SET: variants seen among roughly 807,000 people sequenced by gnomAD.
The protein encoded by SET is protein SET.
SET carries 4 observed loss-of-function variants against 39.0 expected under a neutral mutation model. The observed-to-expected ratio is 0.10, with a 90% confidence interval of 0.05 to 0.23. The LOEUF is 0.23. Ranked by LOEUF, SET falls within the 10% of genes least tolerant of loss-of-function variation. The pLI is 1.00. For missense variants in SET, 137 were observed against 329.7 expected (o/e 0.42, Z 4.53); for synonymous variants, 114 against 115.9 (o/e 0.98, Z 0.11).
chr9:128,687,617 C>A (rs1319918697), upstream of SET, among the ~76,000 whole-genome samples: 47 of 79,640 alleles, frequency 5.9e-4, no homozygotes, highest in African/African-American at 1.4e-3. Context: ...CCTCCCCCAC[C>A]AAAAAAAAAA....
intron 7 of SET, 81 bp from the exon 8 acceptor site, chr9:128,694,537 GAAACTGGAGTGCCCCCAGGGGCA>G: frequency 1.5e-6 from 1 of 680,502 alleles, no homozygotes. Flanking sequence ...TACAGGTTTA[GAAACTGGAGTGCCCCCAGGGGCA>G]CTCGTGGGGT....
Position 128,689,368 on chromosome 9 carries a change from C to G in SET, c.-215C>G. 9.8e-7 allele frequency: 1 copy of G among 1,016,968 alleles called. No individual in the cohort carries two copies. The allele number at this position is 1,016,968 out of a possible 1,614,324, so 63.0% of individuals were successfully genotyped here. On this transcript the variant is annotated 5_prime_UTR_variant, in exon 1 of 8. Coordinates refer to ENST00000322030, the MANE Select transcript of SET (RefSeq NM_003011.4). ...CCGCGAACAGGAGCCCGGGCCGGGG[C>G]CCGGCACGCCGCCCCAGCCCGTCCC...
chr9:128,692,612 T>G (rs1359976405), intron 3 of SET, 50 bp from the exon 4 acceptor site: 2 of 1,206,552 alleles, frequency 1.7e-6, no homozygotes, highest in African/African-American at 3.0e-5. Flanking sequence ...TAAATTGTTG[T>G]TAGTGTGTGC....
chr9:128,689,228 C>CCGT lies in SET; in HGVS notation c.-354_-352dup. ...GCCTGCGCCCTGCGCCCGCCCCTCG[C>CCGT]CGTAGGAGGAGGTGGAGGAGGAGGC... On this transcript the variant is annotated 5_prime_UTR_variant, in exon 1 of 8. Transcript: ENST00000322030. The CCGT allele has an allele frequency of 1.0e-6, 1 of 997,014 alleles. No individual in the cohort carries two copies. The highest frequency in any genetic ancestry group is 8.9e-5 in the East Asian group (1 of 11,274). 61.8% of individuals were successfully genotyped at this position (997,014 alleles called of 1,614,324 possible).
At chr9:128,692,284 C>G in intron 3 of SET, 1 of 304,960 alleles carries the variant, frequency 3.3e-6, no homozygotes, top group South Asian at 5.0e-5. Context: ...CAGCTACTCG[C>G]TACTTGGGAG....
chr9:128,691,904 T>A lies in SET; in HGVS notation c.178T>A (p.Tyr60Asn). ...SEEILKVEQK[Y>N]NKLRQPFFQK... is the part of the protein sequence containing the mutation. ...GGAGATTTTGAAAGTAGAACAGAAA[T>A]ATAACAAACTCCGCCAACCATTTTT... Residue 60 changes from tyrosine to asparagine, a missense_variant, in exon 3 of 8, where the codon TAT becomes AAT. By Grantham distance (143) the Tyr-to-Asn change is moderately radical. Transcript: ENST00000322030. 6.2e-7 allele frequency: 1 copy of A among 1,613,710 alleles called. No homozygotes were observed. The highest frequency in any genetic ancestry group is 8.5e-7 in the Non-Finnish European group (1 of 1,179,790).
chr9:128,693,236 A>C (rs1861609724), intron 5 of SET, among the ~76,000 whole-genome samples: 2 of 152,188 alleles, frequency 1.3e-5, no homozygotes, highest in Non-Finnish European at 2.9e-5. Context: ...CAAAAAACAA[A>C]AAAAAAGAGA....
Position 128,692,995 on chromosome 9 carries a change from A to G in SET, c.492+14A>G, listed in dbSNP as rs767893676. 12 of 1,514,380 alleles carry G rather than the reference A, an allele frequency of 7.9e-6. No individual in the cohort carries two copies. Among genetic ancestry groups the G allele is most frequent in the Non-Finnish European group, 1.1e-5 (12 of 1,094,242 alleles). The allele number at this position is 1,514,380 out of a possible 1,614,324, so 93.8% of individuals were successfully genotyped here. On this transcript the variant is annotated intron_variant, in intron 5 of 7. Coordinates refer to ENST00000322030, the MANE Select transcript of SET (RefSeq NM_003011.4). The stretch of plus-strand genomic sequence containing the variant: ...AAATCTGGAAAGGTATGTTTTGAGG[A>G]ATTATTTGACAAAAATAGCATTTTG...
chr9:128,694,924 A>G lies in SET; in HGVS notation c.*260A>G, dbSNP rs1447616993. Reference sequence around the variant, plus strand: ...CCCTTCCTGTCTGAACAAAAACTGTATGGAATCAACACCACCGAGCTCTGT... The same window carrying G: ...CCCTTCCTGTCTGAACAAAAACTGTGTGGAATCAACACCACCGAGCTCTGT... On this transcript the variant is annotated 3_prime_UTR_variant, in exon 8 of 8. Coordinates refer to ENST00000322030, the MANE Select transcript of SET (RefSeq NM_003011.4). The G allele has an allele frequency of 5.7e-6, 2 of 351,074 alleles. No individual in the cohort carries two copies. The highest frequency in any genetic ancestry group is 4.2e-5 in the African/African-American group (2 of 47,476). The allele number at this position is 351,074 out of a possible 1,614,324, so 21.7% of individuals were successfully genotyped here. A position where few individuals can be genotyped will look rare whatever the true frequency, so the allele number is the denominator to read the frequency against.
upstream of SET, among the ~76,000 whole-genome samples, chr9:128,686,519 G>A (rs1282638356): frequency 6.6e-6 from 1 of 152,204 alleles, no homozygotes; most frequent in Non-Finnish European, 1.5e-5. Context: ...AGTGTTCTCA[G>A]ACAGACTCAG....
intron 3 of SET, 103 bp from the exon 4 acceptor site, chr9:128,692,559 C>A: frequency 1.4e-6 from 1 of 740,322 alleles, no homozygotes; most frequent in Non-Finnish European, 2.4e-6. Context: ...TTTATAAAAC[C>A]AAAGATGCTC....
chr9:128,686,644 T>C (rs115228458), upstream of SET, among the ~76,000 whole-genome samples: 687 of 152,226 alleles, frequency 4.5e-3, 5 homozygotes, highest in African/African-American at 0.015. Context: ...TGCTAGGTCA[T>C]GATGTCAAAA....
At position 128,694,671 on chromosome 9, in the gene SET, C is replaced by T; in HGVS notation, c.*7C>T. 3 of 1,547,338 alleles carry T rather than the reference C, an allele frequency of 1.9e-6. No individual in the cohort carries two copies. The highest frequency in any genetic ancestry group is 2.4e-5 in the East Asian group (1 of 42,172). ...TGAAGGAGAAGATGACTAAATAGAACACTGATGGATTCCAACCTTCCTTTT... is the reference window on the plus strand; with the variant it reads ...TGAAGGAGAAGATGACTAAATAGAATACTGATGGATTCCAACCTTCCTTTT... On this transcript the variant is annotated 3_prime_UTR_variant, in exon 8 of 8. Coordinates refer to ENST00000322030, the MANE Select transcript of SET (RefSeq NM_003011.4).
At chr9:128,685,858 C>A (rs937873156), upstream of SET, among the ~76,000 whole-genome samples, 1 of 152,152 alleles carries the variant, frequency 6.6e-6, no homozygotes, top group Non-Finnish European at 1.5e-5. Flanking sequence ...ATGGCTAAAC[C>A]CCATCTCTAC....
chr9:128,689,712 G>T (rs1381782518), intron 1 of SET, 57 bp downstream of exon 1: 12 of 412,828 alleles, frequency 2.9e-5, no homozygotes, highest in Non-Finnish European at 3.9e-5. Context: ...GCCCGCCCCG[G>T]CCCGCAGGCC....
intron 7 of SET, 26 bp downstream of exon 7, chr9:128,694,068 C>T: frequency 1.4e-6 from 2 of 1,481,048 alleles, no homozygotes; most frequent in Non-Finnish European, 1.8e-6. Flanking sequence ...GCTAAACCCA[C>T]AAAGATAACT....
At chr9:128,692,050 T>C (rs1861555238) in intron 3 of SET, 50 bp downstream of exon 3, 3 of 1,595,032 alleles carry the variant, frequency 1.9e-6, no homozygotes, top group East Asian at 2.2e-5. Context: ...TTTGTTAGAA[T>C]GGAGGAAGCT....
chr9:128,689,539 T>C lies in SET; in HGVS notation c.-44T>C. On this transcript the variant is annotated 5_prime_UTR_variant, in exon 1 of 8. Coordinates refer to ENST00000322030, the MANE Select transcript of SET (RefSeq NM_003011.4). ...GCTTGCCCGCCCCCTTCGCCTTCCC[T>C]TCTCTCCCCCTCCCCGCTCCCCCCC... 5 of 984,722 alleles carry C rather than the reference T, an allele frequency of 5.1e-6. No homozygotes were observed. The South Asian group carries it at 5.9e-5, about 12-fold the overall frequency. The allele number at this position is 984,722 out of a possible 1,614,324, so 61.0% of individuals were successfully genotyped here. A position where few individuals can be genotyped will look rare whatever the true frequency, so the allele number is the denominator to read the frequency against.
intron 5 of SET, 137 bp from the exon 6 acceptor site, chr9:128,693,501 T>G: frequency 1.1e-6 from 1 of 911,608 alleles, no homozygotes; most frequent in Non-Finnish European, 1.6e-6. Context: ...TAATTGCTCT[T>G]AGGTAATAAT....
Sources: gnomAD v4.1 joint callset for allele counts (sites outside exome capture counted in the v4.1 genomes callset) on GRCh38, gnomAD v4.1.1 for gene constraint, MANE v1.5 for transcripts, NCBI Gene and HGNC (gene_info 2026-07-23, HGNC 2026-07-21) for gene names.